IMPACT: variants seen among roughly 807,000 people sequenced by gnomAD.
IMPACT encodes the protein impact RWD domain protein.
IMPACT carries 35 observed loss-of-function variants against 47.5 expected under a neutral mutation model. The ratio of observed to expected loss-of-function variants is 0.74; its 90% CI spans 0.56 to 0.98. The LOEUF (loss-of-function observed/expected upper bound fraction) is 0.98, where lower values mean the gene tolerates loss of function less well. IMPACT is among the 50% of genes least tolerant of loss of function. The pLI is 0.00. For synonymous variants in IMPACT, 118 were observed against 125.6 expected (o/e 0.94, Z 0.40); for missense variants, 373 against 394.8 (o/e 0.94, Z 0.47).
intron 10 of IMPACT, among the ~76,000 whole-genome samples, chr18:24,450,240 A>C (rs560143645): frequency 1.1e-4 from 17 of 152,206 alleles, no homozygotes; most frequent in Non-Finnish European, 1.9e-4. Flanking sequence ...AAACCTTTTA[A>C]GACCAACTAG....
intron 4 of IMPACT, among the ~76,000 whole-genome samples, chr18:24,436,921 T>G (rs1908962091): frequency 6.6e-6 from 1 of 152,214 alleles, no homozygotes; most frequent in South Asian, 2.1e-4. Flanking sequence ...ATCAAGTGAT[T>G]AGTTTAACTT....
At chr18:24,433,175 C>CTT (rs1908802963) in intron 4 of IMPACT, among the ~76,000 whole-genome samples, 1 of 123,634 alleles carries the variant, frequency 8.1e-6, no homozygotes, top group African/African-American at 2.9e-5. Context: ...ACACATCTTA[C>CTT]TTTTAAAACT....
intron 4 of IMPACT, among the ~76,000 whole-genome samples, chr18:24,437,398 C>A (rs1908976694): frequency 6.6e-6 from 1 of 152,104 alleles, no homozygotes; most frequent in African/African-American, 2.4e-5. Flanking sequence ...CAAAATGAAT[C>A]AATTTAGGCA....
In IMPACT at chr18:24,434,776, A is replaced by AAATAT. The variant is rs1164402384; in HGVS notation, c.282-3178_282-3177insATATA. On this transcript the variant is annotated intron_variant, in intron 4 of 10. Coordinates refer to ENST00000284202, the MANE Select transcript of IMPACT (RefSeq NM_018439.4). ...AAAACTCTGTCTCAAAAAAAAAAAA[A>AAATAT]ATATATATATATATATATATGTGTG... Among the ~76,000 whole-genome samples the AAATAT allele has an allele frequency of 5.3e-5, 6 of 113,998 alleles. 1 individual carries two copies. Among genetic ancestry groups the AAATAT allele is most frequent in the South Asian group, 5.7e-4 (2 of 3,492 alleles). The allele number at this position is 113,998 out of a possible 152,430, so 74.8% of individuals were successfully genotyped here. A position where few individuals can be genotyped will look rare whatever the true frequency, so the allele number is the denominator to read the frequency against.
intron 6 of IMPACT, among the ~76,000 whole-genome samples, chr18:24,442,060 G>A (rs1909128333): frequency 6.6e-6 from 1 of 151,656 alleles, no homozygotes; most frequent in South Asian, 2.1e-4. Context: ...CTACTTTCTT[G>A]TCTTGAATAA....
At chr18:24,440,336 T>G (rs1449917811) in intron 5 of IMPACT, among the ~76,000 whole-genome samples, 160 bp from the exon 6 acceptor site, 1 of 152,226 alleles carries the variant, frequency 6.6e-6, no homozygotes. Flanking sequence ...TCTTGTAGTT[T>G]CCTTGCTCCA....
intron 4 of IMPACT, among the ~76,000 whole-genome samples, chr18:24,434,773 A>G (rs1004492782): frequency 4.8e-5 from 6 of 125,972 alleles, no homozygotes; most frequent in Non-Finnish European, 9.8e-5. Flanking sequence ...CAAAAAAAAA[A>G]AAAATATATA....
chr18:24,440,439 TA>T, intron 5 of IMPACT, 56 bp from the exon 6 acceptor site: 4 of 1,573,532 alleles, frequency 2.5e-6, no homozygotes, highest in Non-Finnish European at 3.4e-6. Context: ...GATTTTTTTT[TA>T]AAAAGCATCG....
At chr18:24,440,941 T>G (rs2144342652) in intron 6 of IMPACT, among the ~76,000 whole-genome samples, 1 of 152,396 alleles carries the variant, frequency 6.6e-6, no homozygotes, top group Admixed American at 6.5e-5. Flanking sequence ...ATTGAAATCC[T>G]TAGCTGTTTC....
At chr18:24,435,542 G>A (rs543390839) in intron 4 of IMPACT, 1 of 152,128 alleles carries the variant, frequency 6.6e-6, no homozygotes, top group African/African-American at 2.4e-5. Flanking sequence ...ATGTTGGTGA[G>A]TGAGGCTTCT....
At chr18:24,450,631 A>T in intron 10 of IMPACT, 148 bp from the exon 11 acceptor site, 1 of 479,366 alleles carries the variant, frequency 2.1e-6, no homozygotes. Context: ...AAAAGTGATT[A>T]TACCCTCACT....
At chr18:24,449,583 T>G (rs1338745760) in intron 9 of IMPACT, among the ~76,000 whole-genome samples, 1 of 152,140 alleles carries the variant, frequency 6.6e-6, no homozygotes, top group Non-Finnish European at 1.5e-5. Flanking sequence ...TCTGGGAGTT[T>G]GAGGACATTG....
intron 7 of IMPACT, among the ~76,000 whole-genome samples, chr18:24,444,512 C>T (rs1909199010): frequency 6.6e-6 from 1 of 152,222 alleles, no homozygotes; most frequent in African/African-American, 2.4e-5. Flanking sequence ...TATCCACCTT[C>T]ACACATGTAA....
At chr18:24,449,623 CTTCTG>C (rs1909327471) in intron 9 of IMPACT, among the ~76,000 whole-genome samples, 191 bp from the exon 10 acceptor site, 1 of 152,126 alleles carries the variant, frequency 6.6e-6, no homozygotes, top group African/African-American at 2.4e-5. Context: ...TCCAGATTCC[CTTCTG>C]TTCTTCCATT....
chr18:24,449,778 T>A lies in IMPACT; in HGVS notation c.760-41T>A, dbSNP rs1334007571. On this transcript the variant is annotated intron_variant, in intron 9 of 10. Transcript: ENST00000284202. ...CTTTTTTAAAACTCATATTTATACATGTCTGTCTATGTATCTAATTATGCT... is the reference window on the plus strand; with the variant it reads ...CTTTTTTAAAACTCATATTTATACAAGTCTGTCTATGTATCTAATTATGCT... The A allele has an allele frequency of 3.2e-6, 5 of 1,545,344 alleles. No homozygotes were observed. The South Asian group carries it at 4.5e-5, about 14-fold the overall frequency.
At chr18:24,446,792 A>G (rs530056468) in intron 8 of IMPACT, among the ~76,000 whole-genome samples, 31 of 152,234 alleles carry the variant, frequency 2.0e-4, no homozygotes, top group Non-Finnish European at 3.7e-4. Context: ...GGCCTTCAAT[A>G]GGAAAATGAG....
rs1444079497 is a variant in IMPACT, at chr18:24,434,775, AAAT to A, written c.282-3178_282-3176del. Among the ~76,000 whole-genome samples the A allele has an allele frequency of 8.0e-5, 10 of 125,134 alleles. 1 individual carries two copies. The highest frequency in any genetic ancestry group is 2.7e-4 in the South Asian group (1 of 3,680). The allele number at this position is 125,134 out of a possible 152,430, so 82.1% of individuals were successfully genotyped here. ...CAAAACTCTGTCTCAAAAAAAAAAAAAATATATATATATATATATATGTGTGTG... is the reference window on the plus strand; with the variant it reads ...CAAAACTCTGTCTCAAAAAAAAAAAAATATATATATATATATATGTGTGTG... On this transcript the variant is annotated intron_variant, in intron 4 of 10. Transcript: ENST00000284202.
chr18:24,427,468 C>T (rs1213182023), intron 1 of IMPACT: 1 of 154,440 alleles, frequency 6.5e-6, no homozygotes, highest in South Asian at 2.0e-4. Flanking sequence ...CCACCTCCCC[C>T]CAACACAAAA....
chr18:24,433,495 G>A (rs564335514), intron 4 of IMPACT, among the ~76,000 whole-genome samples: 45 of 151,006 alleles, frequency 3.0e-4, no homozygotes, highest in African/African-American at 6.8e-4. Context: ...CACCGCGCCC[G>A]GCCAACTTTT....
Sources: allele counts gnomAD v4.1 joint callset (sites outside exome capture counted in the v4.1 genomes callset), GRCh38; gene constraint gnomAD v4.1.1; transcripts MANE v1.5; gene names NCBI Gene and HGNC (gene_info 2026-07-23, HGNC 2026-07-21).